The following DNAJC10 variants were observed in gnomAD, a reference collection of about 807,000 sequenced individuals.
DNAJC10 encodes the protein endoplasmic reticulum disulfide reductase DNAJC10.
A neutral mutation model predicts 115.0 loss-of-function variants in DNAJC10; 101 were observed. That is an observed-to-expected ratio of 0.88 (90% CI 0.75 to 1.04). The LOEUF (loss-of-function observed/expected upper bound fraction) is 1.04. Among genes scored for constraint, DNAJC10 ranks in the 50% least tolerant of loss-of-function variants. DNAJC10 has a pLI of 0.00. For synonymous variants in DNAJC10, 307 were observed against 301.5 expected (o/e 1.02, Z -0.19); for missense variants, 981 against 928.8 (o/e 1.06, Z -0.73).
Position 182,752,192 on chromosome 2 carries a change from A to C in DNAJC10, c.1551+4A>C, listed in dbSNP as rs769841938. On this transcript the variant is annotated splice_donor_region_variant and intron_variant, in intron 16 of 23. Coordinates refer to ENST00000264065, the MANE Select transcript of DNAJC10 (RefSeq NM_018981.4). ...TCATGAGGGACTCTGTAACATGGTA[A>C]GGCAAAGTATCAAAAATTATTCTAA... 1 of 1,407,894 alleles carries C rather than the reference A, an allele frequency of 7.1e-7. No individual in the cohort carries two copies. Among genetic ancestry groups the C allele is most frequent in the Admixed American group, 2.0e-5 (1 of 50,156 alleles). The allele number at this position is 1,407,894 out of a possible 1,614,324, so 87.2% of individuals were successfully genotyped here. A position where few individuals can be genotyped will look rare whatever the true frequency, so the allele number is the denominator to read the frequency against.
chr2:182,743,585 T>G lies in DNAJC10; in HGVS notation c.1192-13T>G. The G allele has an allele frequency of 6.3e-7, 1 of 1,589,432 alleles. No individual in the cohort carries two copies. Among genetic ancestry groups the G allele is most frequent in the South Asian group, 1.1e-5 (1 of 89,826 alleles). On this transcript the variant is annotated splice_polypyrimidine_tract_variant and intron_variant, in intron 13 of 23. Coordinates refer to ENST00000264065, the MANE Select transcript of DNAJC10 (RefSeq NM_018981.4). ...ACAGTGTTTTTATCAAATTTGACCT[T>G]TTTCTCCTTTAGGTTGGCAGGTTTG...
At chr2:182,720,191 T>A in intron 4 of DNAJC10, 22 bp downstream of exon 4, 1 of 1,581,264 alleles carries the variant, frequency 6.3e-7, no homozygotes. Flanking sequence ...CGATATTACT[T>A]ATGAAATGTG....
rs750363078 is a variant in DNAJC10, at chr2:182,759,166, A to G, written c.2004A>G (p.Leu668=). ...TTTTGATCATTTGCCACAGATTTTT[A>G]CCTCAAGTATCCACAGATCTAACAC... is the stretch of plus-strand genomic sequence containing the variant. ...YSLRIWGLGF[L]PQVSTDLTPQ... Residue 668 remains leucine, a synonymous_variant, in exon 21 of 24, where the codon TTA becomes TTG. Coordinates refer to ENST00000264065, the MANE Select transcript of DNAJC10 (RefSeq NM_018981.4). 6.4e-7 allele frequency: 1 copy of G among 1,574,280 alleles called. No homozygotes were observed. The highest frequency in any genetic ancestry group is 1.4e-5 in the African/African-American group (1 of 72,526).
intron 22 of DNAJC10, among the ~76,000 whole-genome samples, chr2:182,766,335 A>G (rs1477984250): frequency 6.6e-6 from 1 of 152,188 alleles, no homozygotes; most frequent in Non-Finnish European, 1.5e-5. Context: ...ATGAGAGCGA[A>G]TATGTATGAT....
chr2:182,733,267 T>A (rs576291915), intron 10 of DNAJC10, among the ~76,000 whole-genome samples: 1 of 152,084 alleles, frequency 6.6e-6, no homozygotes, highest in South Asian at 2.1e-4. Context: ...CGGCTATTTA[T>A]TTCTCTTTGT....
In DNAJC10 at chr2:182,780,844, C is replaced by A. The variant is rs1175524230; in HGVS notation, c.*3712C>A. 1 of 152,178 alleles carries A rather than the reference C, an allele frequency of 6.6e-6. No individual in the cohort carries two copies. Among genetic ancestry groups the A allele is most frequent in the African/African-American group, 2.4e-5 (1 of 41,438 alleles). 9.4% of individuals were successfully genotyped at this position (152,178 alleles called of 1,614,324 possible). On this transcript the variant is annotated 3_prime_UTR_variant, in exon 24 of 24. Coordinates refer to ENST00000264065, the MANE Select transcript of DNAJC10 (RefSeq NM_018981.4). ...TGGACTCCAGAAATGCATCTTTCAA[C>A]CACTTGATTGCATTAAGTAGTCATT... is the stretch of plus-strand genomic sequence containing the variant.
rs890771878 is a variant in DNAJC10 at position 182,791,228 on chromosome 2, G to A, written c.*14096G>A. 6.6e-6 allele frequency: 1 copy of A among 152,024 alleles called. No individual in the cohort carries two copies. Among genetic ancestry groups the A allele is most frequent in the Non-Finnish European group, 1.5e-5 (1 of 68,002 alleles). The allele number at this position is 152,024 out of a possible 1,614,324, so 9.4% of individuals were successfully genotyped here. ...AAGTAACTCTAGAGCTTAGTTTTCA[G>A]TCCTCCTGAATCATAACTAGTTGGC... On this transcript the variant is annotated 3_prime_UTR_variant, in exon 24 of 24. Coordinates refer to ENST00000264065, the MANE Select transcript of DNAJC10 (RefSeq NM_018981.4).
chr2:182,749,373 G>C (rs1409396079), intron 14 of DNAJC10, among the ~76,000 whole-genome samples: 2 of 146,728 alleles, frequency 1.4e-5, no homozygotes, highest in East Asian at 3.9e-4. Context: ...AGGATAGTTA[G>C]CTCTTCTTGT....
At chr2:182,749,359 AT>A (rs1157970744) in intron 14 of DNAJC10, among the ~76,000 whole-genome samples, 2 of 145,410 alleles carry the variant, frequency 1.4e-5, no homozygotes, top group African/African-American at 5.2e-5. Flanking sequence ...GTGCATATAT[AT>A]TTAGGATAGT....
Position 182,720,095 on chromosome 2 carries a change from A to C in DNAJC10, c.293A>C (p.Lys98Thr). The C allele has an allele frequency of 6.2e-7, 1 of 1,611,648 alleles. No individual in the cohort carries two copies. Among genetic ancestry groups the C allele is most frequent in the Non-Finnish European group, 8.5e-7 (1 of 1,178,240 alleles). Residue 98 changes from lysine to threonine, a missense_variant, in exon 4 of 24, where the codon AAA (lysine) becomes ACA (threonine). Physicochemically the swap from Lys to Thr is moderately conservative, Grantham distance 78 (BLOSUM62 -1). Transcript: ENST00000264065. ...GAAGATCTACGGAAAAAGTATGACA[A>C]ATATGGAGAAAAGGGACTTGAGGAT... ...KDEDLRKKYD[K>T]YGEKGLEDNQ...
rs1412529961 is a variant in DNAJC10 at position 182,793,645 on chromosome 2, CCTAT to C, written c.*16516_*16519del. 2 of 152,104 alleles carry C rather than the reference CCTAT, an allele frequency of 1.3e-5. No homozygotes were observed. Among genetic ancestry groups the C allele is most frequent in the African/African-American group, 2.4e-5 (1 of 41,502 alleles). 9.4% of individuals were successfully genotyped at this position (152,104 alleles called of 1,614,324 possible). A position where few individuals can be genotyped will look rare whatever the true frequency, so the allele number is the denominator to read the frequency against. On this transcript the variant is annotated 3_prime_UTR_variant, in exon 24 of 24. Transcript: ENST00000264065. Reference sequence around the variant, plus strand: ...GTTGGCAGCATGCAATTGGCTGTGACCTATCTGTTACAAAAATATATCTATATAA... The same window carrying C: ...GTTGGCAGCATGCAATTGGCTGTGACCTGTTACAAAAATATATCTATATAA...
intron 14 of DNAJC10, among the ~76,000 whole-genome samples, chr2:182,750,736 G>C (rs995467457): frequency 6.6e-6 from 1 of 152,182 alleles, no homozygotes; most frequent in African/African-American, 2.4e-5. Context: ...ACAGCGGTAA[G>C]AGTTTGTGTA....
chr2:182,776,649 C>G (rs1467591576), intron 23 of DNAJC10, among the ~76,000 whole-genome samples: 1 of 152,088 alleles, frequency 6.6e-6, no homozygotes, highest in Non-Finnish European at 1.5e-5. Flanking sequence ...GCCTTACAAC[C>G]TACCTCAAGA....
chr2:182,752,098 A>G lies in DNAJC10; in HGVS notation c.1461A>G (p.Leu487=), dbSNP rs761186459. The G allele has an allele frequency of 1.6e-5, 26 of 1,613,726 alleles. 1 individual carries two copies. The Admixed American group carries it at 4.2e-4, about 26-fold the overall frequency. Residue 487 remains leucine (L), a synonymous_variant, in exon 16 of 24, where the codon CTA becomes CTG. Coordinates refer to ENST00000264065, the MANE Select transcript of DNAJC10 (RefSeq NM_018981.4). The part of the protein sequence containing the change: ...APWCPPCRAL[L]PELRRASNLL... ...GGTGTCCACCATGTCGAGCTTTACT[A>G]CCAGAGTTACGAAGAGCATCAAATC...
At chr2:182,750,219 G>C (rs190150181) in intron 14 of DNAJC10, among the ~76,000 whole-genome samples, 1 of 152,128 alleles carries the variant, frequency 6.6e-6, no homozygotes, top group Non-Finnish European at 1.5e-5. Flanking sequence ...TGATTGTACC[G>C]TTCAATGTAA....
intron 5 of DNAJC10, among the ~76,000 whole-genome samples, chr2:182,726,967 C>T (rs569915786): frequency 9.2e-5 from 14 of 152,108 alleles, no homozygotes; most frequent in Non-Finnish European, 2.1e-4. Flanking sequence ...AGTGATCCTC[C>T]TGTCTCAGCC....
chr2:182,752,210 T>G lies in DNAJC10; in HGVS notation c.1551+22T>G, dbSNP rs114289105. The G allele has an allele frequency of 1.3e-3, 1,663 of 1,261,242 alleles. 17 individuals are homozygous for G. The African/African-American group carries it at 0.021, about 16-fold the overall frequency. 78.1% of individuals were successfully genotyped at this position (1,261,242 alleles called of 1,614,324 possible). On this transcript the variant is annotated intron_variant, in intron 16 of 23. Coordinates refer to ENST00000264065, the MANE Select transcript of DNAJC10 (RefSeq NM_018981.4). ...CATGGTAAGGCAAAGTATCAAAAAT[T>G]ATTCTAATTAATTTTATAAAATGAA...
intron 14 of DNAJC10, among the ~76,000 whole-genome samples, chr2:182,747,068 G>A (rs1024401121): frequency 6.6e-6 from 1 of 152,000 alleles, no homozygotes; most frequent in Non-Finnish European, 1.5e-5. Context: ...TCTGAGGGCT[G>A]TGTTCTGTTC....
chr2:182,752,557 C>G, intron 16 of DNAJC10: 1 of 924,842 alleles, frequency 1.1e-6, no homozygotes, highest in Non-Finnish European at 1.3e-6. Context: ...AGTATATTTG[C>G]TGGAAAGAAG....
Sources: gnomAD v4.1 joint callset for allele counts (sites outside exome capture counted in the v4.1 genomes callset) on GRCh38, gnomAD v4.1.1 for gene constraint, MANE v1.5 for transcripts, NCBI Gene and HGNC (gene_info 2026-07-23, HGNC 2026-07-21) for gene names.